Variants in ADK observed in about 807,000 individuals in gnomAD.
ADK encodes the protein adenosine kinase, also known as N6,N6-dimethyladenosine kinase.
Under a neutral mutation model 44.7 loss-of-function variants are expected in ADK, and 24 were observed. The observed-to-expected ratio is 0.54, with a 90% CI of 0.39 to 0.76. The LOEUF is 0.76. Ranked by LOEUF, ADK falls within the 30% of genes least tolerant of loss-of-function variation. The pLI, the probability that ADK is intolerant of heterozygous loss-of-function variation, is 0.00. For synonymous variants in ADK, 128 were observed against 142.6 expected (o/e 0.90, Z 0.73); for missense variants, 321 against 425.1 (o/e 0.76, Z 2.15).
chr10:74,357,108 C>T (rs1842171814), intron 4 of ADK, among the ~76,000 whole-genome samples: 2 of 152,272 alleles, frequency 1.3e-5, no homozygotes, highest in Admixed American at 6.5e-5. Context: ...TGCATTGCCT[C>T]ATGGAGATTG....
At chr10:74,387,697 T>C (rs1309933592) in intron 4 of ADK, among the ~76,000 whole-genome samples, 5 of 152,176 alleles carry the variant, frequency 3.3e-5, no homozygotes, top group Admixed American at 3.3e-4. Flanking sequence ...TTTTTTACTA[T>C]TGCTGTTTAA....
chr10:74,371,078 A>T (rs1374108146), intron 4 of ADK, among the ~76,000 whole-genome samples: 1 of 152,230 alleles, frequency 6.6e-6, no homozygotes, highest in African/African-American at 2.4e-5. Context: ...CAATGAAATC[A>T]TTTATAAGTA....
At chr10:74,396,312 T>C (rs1843506858) in intron 5 of ADK, among the ~76,000 whole-genome samples, 1 of 152,078 alleles carries the variant, frequency 6.6e-6, no homozygotes, top group Admixed American at 6.5e-5. Flanking sequence ...AGTAGGCTGA[T>C]CACTCGAGCT....
intron 9 of ADK, among the ~76,000 whole-genome samples, chr10:74,633,139 T>A (rs2134069021): frequency 6.6e-6 from 1 of 152,296 alleles, no homozygotes; most frequent in East Asian, 1.9e-4. Flanking sequence ...TTAATCTGTG[T>A]TTTCAAGGTA....
intron 9 of ADK, among the ~76,000 whole-genome samples, chr10:74,668,168 T>A (rs1471704332): frequency 6.6e-6 from 1 of 152,218 alleles, no homozygotes; most frequent in Non-Finnish European, 1.5e-5. Context: ...AGTTGTTATT[T>A]CCCTGTATAG....
chr10:74,613,848 A>G (rs373432438), intron 9 of ADK, among the ~76,000 whole-genome samples: 1 of 152,280 alleles, frequency 6.6e-6, no homozygotes, highest in African/African-American at 2.4e-5. Flanking sequence ...AAATGTCTCT[A>G]CTACAGCCAA....
chr10:74,519,728 T>C (rs1848731028), intron 6 of ADK, among the ~76,000 whole-genome samples: 1 of 151,956 alleles, frequency 6.6e-6, no homozygotes, highest in Non-Finnish European at 1.5e-5. Context: ...TATTTCTCTT[T>C]CAATGGAATA....
intron 6 of ADK, among the ~76,000 whole-genome samples, chr10:74,517,125 T>C (rs1848618712): frequency 6.6e-6 from 1 of 152,098 alleles, no homozygotes; most frequent in Non-Finnish European, 1.5e-5. Flanking sequence ...AGATGAGATT[T>C]GGGTGGGAAC....
At chr10:74,242,084 C>G (rs80066314) in intron 3 of ADK, among the ~76,000 whole-genome samples, 4,849 of 152,260 alleles carry the variant, frequency 0.032, 273 homozygotes, top group African/African-American at 0.11. Flanking sequence ...TGAACATTTT[C>G]CACCAAACAT....
intron 6 of ADK, among the ~76,000 whole-genome samples, chr10:74,466,896 C>T (rs1846376626): frequency 6.6e-6 from 1 of 152,064 alleles, no homozygotes. Context: ...AAATAAAAAT[C>T]TCAATCCACT....
chr10:74,614,256 A>C (rs1852663088), intron 9 of ADK, among the ~76,000 whole-genome samples: 1 of 152,096 alleles, frequency 6.6e-6, no homozygotes, highest in South Asian at 2.1e-4. Flanking sequence ...GCAAAATAAG[A>C]GGCAACCTAT....
chr10:74,223,576 G>T (rs1844407713), intron 2 of ADK, among the ~76,000 whole-genome samples: 1 of 152,128 alleles, frequency 6.6e-6, no homozygotes, highest in Non-Finnish European at 1.5e-5. Context: ...GTATGAATGA[G>T]AATTGAAGAC....
chr10:74,690,029 G>A (rs1156620644), intron 10 of ADK, among the ~76,000 whole-genome samples: 2 of 152,168 alleles, frequency 1.3e-5, no homozygotes, highest in Non-Finnish European at 2.9e-5. Context: ...CACGCTTTGT[G>A]AACCATTTCT....
chr10:74,151,262 G>T lies in ADK; in HGVS notation c.-17G>T, dbSNP rs543817414. The T allele has an allele frequency of 6.5e-6, 10 of 1,549,536 alleles. No individual in the cohort carries two copies. The highest frequency in any genetic ancestry group is 5.5e-5 in the African/African-American group (4 of 72,972). On this transcript the variant is annotated 5_prime_UTR_variant, in exon 1 of 11. Transcript: ENST00000539909. ...CAGAGGTGGGCTGTAGAGCCAAAGT[G>T]GGGTGGGAGCGCGAAGATGGCAGCT...
intron 4 of ADK, among the ~76,000 whole-genome samples, chr10:74,361,301 G>A (rs1842329069): frequency 6.6e-6 from 1 of 152,066 alleles, no homozygotes; most frequent in Non-Finnish European, 1.5e-5. Context: ...TTTTCTAGTT[G>A]TTTTTAACTT....
chr10:74,370,773 A>C (rs1466144264), intron 4 of ADK, among the ~76,000 whole-genome samples: 1 of 152,082 alleles, frequency 6.6e-6, no homozygotes, highest in Admixed American at 6.6e-5. Flanking sequence ...GATGGGGATC[A>C]TACTATGTTG....
intron 3 of ADK, among the ~76,000 whole-genome samples, chr10:74,293,262 G>T (rs988534084): frequency 3.3e-5 from 5 of 150,132 alleles, no homozygotes; most frequent in East Asian, 1.9e-4. Flanking sequence ...GGTAGTTACA[G>T]AATTGATACA....
intron 8 of ADK, among the ~76,000 whole-genome samples, chr10:74,590,433 A>G (rs1461881844): frequency 1.3e-5 from 2 of 152,160 alleles, no homozygotes; most frequent in Non-Finnish European, 2.9e-5. Flanking sequence ...TCAAGCAGCA[A>G]AGTAATACAT....
intron 1 of ADK, among the ~76,000 whole-genome samples, chr10:74,170,194 C>T (rs1236157456): frequency 1.3e-5 from 2 of 152,104 alleles, no homozygotes; most frequent in Admixed American, 6.5e-5. Flanking sequence ...CATGTTATGA[C>T]AGCTGGGCTC....
Sources: gnomAD v4.1 joint callset for allele counts (sites outside exome capture counted in the v4.1 genomes callset) on GRCh38, gnomAD v4.1.1 for gene constraint, MANE v1.5 for transcripts, NCBI Gene and HGNC (gene_info 2026-07-23, HGNC 2026-07-21) for gene names.